Variants in CMIP observed in about 807,000 individuals in gnomAD.
The protein encoded by CMIP is c-Maf inducing protein.
Under a neutral mutation model 97.3 loss-of-function variants are expected in CMIP, and 13 were observed. The ratio of observed to expected loss-of-function variants is 0.13; its 90% CI spans 0.09 to 0.21. The LOEUF (loss-of-function observed/expected upper bound fraction) is 0.21, where lower values mean the gene tolerates loss of function less well. Ranked by LOEUF, CMIP falls within the 10% of genes least tolerant of loss-of-function variation. CMIP has a pLI of 1.00. For synonymous variants in CMIP, 538 were observed against 436.3 expected, an observed-to-expected ratio of 1.23 and a Z score of -2.91; for missense variants, 847 against 1,024.9, an observed-to-expected ratio of 0.83 and a Z score of 2.37.
chr16:81,614,664 T>C lies in CMIP; in HGVS notation c.427-6212T>C, dbSNP rs1007116037. On this transcript the variant is annotated intron_variant, in intron 2 of 20. Transcript: ENST00000537098. This position sits in a 1 kb window ranked among gnomAD's most constrained non-coding sequence, Gnocchi z 5.3. ...TGTGGGACTGTGGTGTGTGTGTATG[T>C]ATGTCTGTATGGTTTATGTGTGTGT... Among the ~76,000 whole-genome samples, 4 of 151,336 alleles carry C rather than the reference T, an allele frequency of 2.6e-5. No homozygotes were observed. The highest frequency in any genetic ancestry group is 7.3e-5 in the African/African-American group (3 of 41,082).
intron 1 of CMIP, among the ~76,000 whole-genome samples, chr16:81,580,809 A>T (rs970391806): frequency 7.2e-5 from 11 of 152,068 alleles, no homozygotes; most frequent in African/African-American, 2.7e-4. Flanking sequence ...AAACAAACAA[A>T]CAAGAGCATA....
At position 81,646,795 on chromosome 16, in the gene CMIP, A is replaced by G. The variant is rs568728762; in HGVS notation, c.478-5408A>G. On this transcript the variant is annotated intron_variant, in intron 3 of 20. Coordinates refer to ENST00000537098, the MANE Select transcript of CMIP (RefSeq NM_198390.3). ...TTATGAGTTGCATCCGTCTTGTAGC[A>G]TGTGGGTAATTCAATCCTTTTTATT... is the stretch of plus-strand genomic sequence containing the variant. Among the ~76,000 whole-genome samples the G allele has an allele frequency of 3.3e-5, 5 of 152,358 alleles. No homozygotes were observed. In the South Asian group the frequency reaches 8.3e-4, roughly 25 times the overall value.
At chr16:81,547,995 C>G (rs1036187318) in intron 1 of CMIP, among the ~76,000 whole-genome samples, 1 of 152,230 alleles carries the variant, frequency 6.6e-6, no homozygotes, top group Non-Finnish European at 1.5e-5. Flanking sequence ...TCATGTCATG[C>G]TGTAAAGCTG....
chr16:81,706,134 G>A (rs893167759), intron 19 of CMIP, among the ~76,000 whole-genome samples: 1 of 152,238 alleles, frequency 6.6e-6, no homozygotes, highest in Admixed American at 6.5e-5. Context: ...GTTCCTGTGT[G>A]CCAAACCCCA....
intron 1 of CMIP, among the ~76,000 whole-genome samples, chr16:81,565,154 T>C (rs1378693457): frequency 2.0e-5 from 3 of 152,056 alleles, no homozygotes; most frequent in Non-Finnish European, 4.4e-5. Context: ...CAGAAAGCCC[T>C]CCTTCGGCCA....
intron 1 of CMIP, among the ~76,000 whole-genome samples, chr16:81,490,744 G>T (rs1321517493): frequency 6.6e-6 from 1 of 152,200 alleles, no homozygotes; most frequent in Non-Finnish European, 1.5e-5. Flanking sequence ...AACACTTGAT[G>T]TGAAACTTTA....
chr16:81,552,056 G>A (rs910921825), intron 1 of CMIP, among the ~76,000 whole-genome samples: 7 of 152,158 alleles, frequency 4.6e-5, no homozygotes, highest in African/African-American at 1.7e-4. Flanking sequence ...GGAGCCCAGC[G>A]CTGGCAGCTG....
chr16:81,641,105 C>T (rs796123571), intron 3 of CMIP, among the ~76,000 whole-genome samples: 1 of 152,264 alleles, frequency 6.6e-6, no homozygotes, highest in East Asian at 1.9e-4. Context: ...TGCAGATTCC[C>T]AGGCCTCGCC....
chr16:81,632,745 G>A (rs1186548792), intron 3 of CMIP, among the ~76,000 whole-genome samples: 2 of 152,200 alleles, frequency 1.3e-5, no homozygotes, highest in South Asian at 2.1e-4. Context: ...GAGCTGGGAG[G>A]TGGAGGTCCT....
chr16:81,645,680 C>A, intron 3 of CMIP: 7 of 1,474,672 alleles, frequency 4.7e-6, no homozygotes, highest in Non-Finnish European at 6.4e-6. Flanking sequence ...GCAGGAGGCT[C>A]TGCCTGCTGT....
intron 1 of CMIP, chr16:81,464,282 T>C (rs1907069782): frequency 6.6e-6 from 1 of 152,254 alleles, no homozygotes; most frequent in Non-Finnish European, 1.5e-5. Flanking sequence ...TAGAATTAGC[T>C]GTGAGACTGA....
intron 9 of CMIP, 22 bp from the exon 10 acceptor site, chr16:81,678,253 C>G (rs1211142201): frequency 1.3e-6 from 2 of 1,546,224 alleles, no homozygotes; most frequent in Non-Finnish European, 1.7e-6. Context: ...ACTCATGTGC[C>G]CTCTCCCGCC....
chr16:81,691,867 C>A, intron 11 of CMIP, 27 bp downstream of exon 11: 1 of 1,597,932 alleles, frequency 6.3e-7, no homozygotes. Context: ...TCCCCGGAGC[C>A]CTCCCACCTG....
chr16:81,691,892 G>A, intron 11 of CMIP, 52 bp downstream of exon 11: 1 of 1,496,166 alleles, frequency 6.7e-7, no homozygotes, highest in East Asian at 2.3e-5. Context: ...ACAAACCTCA[G>A]TTGTCCACCA....
intron 10 of CMIP, among the ~76,000 whole-genome samples, chr16:81,688,865 G>T (rs1905729178): frequency 6.6e-6 from 1 of 152,164 alleles, no homozygotes; most frequent in South Asian, 2.1e-4. Context: ...GTGGCCAAGT[G>T]TTCTCATTTT....
intron 1 of CMIP, among the ~76,000 whole-genome samples, chr16:81,507,734 C>G (rs548071132): frequency 3.3e-5 from 5 of 152,268 alleles, no homozygotes; most frequent in South Asian, 2.1e-4. Flanking sequence ...TTAAGATTAA[C>G]CAGGAGACCT....
At chr16:81,491,972 A>G (rs937383642) in intron 1 of CMIP, among the ~76,000 whole-genome samples, 6 of 151,986 alleles carry the variant, frequency 3.9e-5, no homozygotes, top group East Asian at 1.9e-4. Context: ...GTGTCACACC[A>G]TTTTTCATGA....
chr16:81,485,210 A>G (rs547130259), intron 1 of CMIP, among the ~76,000 whole-genome samples: 3 of 152,328 alleles, frequency 2.0e-5, no homozygotes, highest in South Asian at 4.1e-4. Context: ...GTTGATGGAC[A>G]TTTAAGTTGT....
At chr16:81,687,839 C>T (rs1874283758) in intron 10 of CMIP, among the ~76,000 whole-genome samples, 1 of 152,190 alleles carries the variant, frequency 6.6e-6, no homozygotes, top group African/African-American at 2.4e-5. Context: ...CCTGTTGGGC[C>T]TCAGGAAACT....
Sources: allele counts gnomAD v4.1 joint callset (sites outside exome capture counted in the v4.1 genomes callset), GRCh38; gene constraint gnomAD v4.1.1; non-coding constraint Gnocchi (gnomAD v3.1); transcripts MANE v1.5; gene names NCBI Gene and HGNC (gene_info 2026-07-23, HGNC 2026-07-21).